The following ANKS1B variants were observed in gnomAD, a reference collection of about 807,000 sequenced individuals.
ANKS1B encodes ankyrin repeat and sterile alpha motif domain containing 1B, also known as ankyrin repeat and sterile alpha motif domain-containing protein 1B.
ANKS1B carries 36 observed loss-of-function variants against 148.3 expected under a neutral mutation model. That is an observed-to-expected ratio of 0.24 (90% CI 0.19 to 0.32). ANKS1B has a LOEUF of 0.32. Ranked by LOEUF, ANKS1B falls within the 10% of genes least tolerant of loss-of-function variation. ANKS1B has a pLI of 1.00. For synonymous variants in ANKS1B, 542 were observed against 560.8 expected (o/e 0.97, Z 0.47); for missense variants, 1,157 against 1,542.6 (o/e 0.75, Z 4.19).
At chr12:98,735,519 T>G (rs903565642) in exon 10 of ANKS1B, 1 of 697,574 alleles carries the variant, frequency 1.4e-6, no homozygotes, top group African/African-American at 1.7e-5. Flanking sequence ...ACATCAACCT[T>G]TCTATTTAGG....
intron 9 of ANKS1B, among the ~76,000 whole-genome samples, chr12:99,587,992 ATG>A (rs2097661033): frequency 6.6e-6 from 1 of 152,116 alleles, no homozygotes; most frequent in African/African-American, 2.4e-5. Flanking sequence ...TTCAGCCTAG[ATG>A]TACGAGTTAC....
intron 1 of ANKS1B, among the ~76,000 whole-genome samples, chr12:99,826,017 CTA>C (rs925843559): frequency 6.6e-5 from 6 of 91,538 alleles, no homozygotes; most frequent in South Asian, 5.4e-4. Context: ...ATAAAAGAGT[CTA>C]TTTTTTTTTT....
At chr12:99,850,391 GTTAT>G (rs757181744) in intron 1 of ANKS1B, among the ~76,000 whole-genome samples, 126 of 145,682 alleles carry the variant, frequency 8.6e-4, no homozygotes, top group Non-Finnish European at 1.4e-3. Context: ...TTAGTTATTA[GTTAT>G]TTATTTTTAT....
At chr12:98,910,761 C>T (rs930693020) in intron 17 of ANKS1B, among the ~76,000 whole-genome samples, 17 of 152,290 alleles carry the variant, frequency 1.1e-4, no homozygotes, top group Non-Finnish European at 2.5e-4. Flanking sequence ...CAAATGTCTT[C>T]ATTGACATAA....
chr12:99,485,845 G>A (rs765765853), intron 10 of ANKS1B, among the ~76,000 whole-genome samples: 25 of 151,888 alleles, frequency 1.6e-4, no homozygotes, highest in African/African-American at 5.1e-4. Context: ...ATTTTGTAAC[G>A]CCCTAAGTGT....
intron 12 of ANKS1B, among the ~76,000 whole-genome samples, chr12:99,343,570 AC>A (rs894081913): frequency 6.6e-6 from 1 of 152,058 alleles, no homozygotes; most frequent in African/African-American, 2.4e-5. Flanking sequence ...AGCATCTACA[AC>A]CTTTTCCTCT....
chr12:99,967,305 A>T (rs1207086468), intron 1 of ANKS1B, among the ~76,000 whole-genome samples: 1 of 152,180 alleles, frequency 6.6e-6, no homozygotes, highest in African/African-American at 2.4e-5. Flanking sequence ...TATCACCTCC[A>T]CTTTATAAAT....
At chr12:99,259,216 C>T (rs1465093254) in intron 12 of ANKS1B, among the ~76,000 whole-genome samples, 1 of 152,220 alleles carries the variant, frequency 6.6e-6, no homozygotes, top group Non-Finnish European at 1.5e-5. Context: ...TTGAAAACCA[C>T]CCAGTGGGCC....
chr12:99,447,176 T>C (rs1489902957), intron 10 of ANKS1B, among the ~76,000 whole-genome samples: 1 of 152,064 alleles, frequency 6.6e-6, no homozygotes, highest in Non-Finnish European at 1.5e-5. Context: ...CACATATTTT[T>C]GGTTAATTTA....
chr12:99,840,124 T>C lies in ANKS1B; in HGVS notation c.135-14735A>G, dbSNP rs114523912. Among the ~76,000 whole-genome samples, 1,205 of 152,176 alleles carry C rather than the reference T, an allele frequency of 7.9e-3. 16 individuals carry two copies. The highest frequency in any genetic ancestry group is 0.027 in the African/African-American group (1,139 of 41,532). Reference sequence around the variant, plus strand: ...GACAAACAATATACAAATGAATATATAAATATATGAAGCAAGAAGTGGTAT... The same window carrying C: ...GACAAACAATATACAAATGAATATACAAATATATGAAGCAAGAAGTGGTAT... On this transcript the variant is annotated intron_variant, in intron 1 of 26. Coordinates refer to ENST00000683438, the MANE Select transcript of ANKS1B (RefSeq NM_001352186.2).
intron 3 of ANKS1B, among the ~76,000 whole-genome samples, chr12:99,809,016 C>T (rs575164659): frequency 3.4e-4 from 52 of 152,186 alleles, no homozygotes; most frequent in Middle Eastern, 3.4e-3. Context: ...GACGCCACAA[C>T]GGTGGTACTT....
At chr12:98,964,847 T>C (rs2099876457) in intron 17 of ANKS1B, among the ~76,000 whole-genome samples, 1 of 152,006 alleles carries the variant, frequency 6.6e-6, no homozygotes, top group Non-Finnish European at 1.5e-5. Context: ...GGTGAGACAG[T>C]GGGGATGGTA....
At chr12:98,949,846 A>C (rs1188783948) in intron 17 of ANKS1B, 2 of 152,230 alleles carry the variant, frequency 1.3e-5, no homozygotes, top group Non-Finnish European at 2.9e-5. Flanking sequence ...GAGCTTTCTG[A>C]GTGAGTCTCC....
chr12:99,937,310 A>C (rs1206122195), intron 1 of ANKS1B, among the ~76,000 whole-genome samples: 2 of 152,204 alleles, frequency 1.3e-5, no homozygotes, highest in African/African-American at 4.8e-5. Flanking sequence ...TAACTACCCA[A>C]GAAAGAAGAA....
intron 17 of ANKS1B, among the ~76,000 whole-genome samples, chr12:98,916,335 C>T (rs2099794353): frequency 6.6e-6 from 1 of 152,220 alleles, no homozygotes; most frequent in Non-Finnish European, 1.5e-5. Flanking sequence ...AATCAGCTTA[C>T]TGCTGAGCAC....
intron 25 of ANKS1B, among the ~76,000 whole-genome samples, chr12:98,768,716 A>C (rs997560337): frequency 2.0e-5 from 3 of 148,556 alleles, no homozygotes; most frequent in South Asian, 2.2e-4. Context: ...CTTGGGCGAC[A>C]GAGCGAGACT....
intron 8 of ANKS1B, among the ~76,000 whole-genome samples, chr12:99,679,795 T>G (rs2098603739): frequency 6.6e-6 from 1 of 152,198 alleles, no homozygotes. Flanking sequence ...CAGCTGGACT[T>G]GAAATCCTGC....
chr12:98,745,521 C>G lies in ANKS1B; in HGVS notation c.*218G>C. 7.8e-7 allele frequency: 1 copy of G among 1,283,636 alleles called. No individual in the cohort carries two copies. Among genetic ancestry groups the G allele is most frequent in the Non-Finnish European group, 9.9e-7 (1 of 1,011,760 alleles). 79.5% of individuals were successfully genotyped at this position (1,283,636 alleles called of 1,614,324 possible). A position where few individuals can be genotyped will look rare whatever the true frequency, so the allele number is the denominator to read the frequency against. On this transcript the variant is annotated 3_prime_UTR_variant, in exon 27 of 27. Transcript: ENST00000683438. ...GCATCAGGGAAAACCCATCTCAACT[C>G]ACGCCTCTCAGGGGTTGCGACTGGA...
At chr12:99,593,205 C>CACTCCGTAAGCATAATACAACA (rs2097721619) in intron 9 of ANKS1B, among the ~76,000 whole-genome samples, 1 of 151,916 alleles carries the variant, frequency 6.6e-6, no homozygotes, top group Admixed American at 6.6e-5. Context: ...TTGGAGTGCC[C>CACTCCGTAAGCATAATACAACA]TGGCCAAGAG....
Sources: gnomAD v4.1 joint callset for allele counts (sites outside exome capture counted in the v4.1 genomes callset) on GRCh38, gnomAD v4.1.1 for gene constraint, MANE v1.5 for transcripts, NCBI Gene and HGNC (gene_info 2026-07-23, HGNC 2026-07-21) for gene names.